Variants in RILP observed in about 807,000 individuals in gnomAD.
RILP encodes Rab interacting lysosomal protein, also known as rab-interacting lysosomal protein.
In RILP, 53 loss-of-function variants were observed where a neutral mutation model predicts 40.0. The observed-to-expected ratio is 1.32, with a 90% CI of 1.06 to 1.66. The LOEUF (loss-of-function observed/expected upper bound fraction) is 1.66, where lower values mean the gene tolerates loss of function less well. RILP is among the 40% of genes most tolerant of loss of function. The probability of loss-of-function intolerance (pLI) is 0.00; values close to 1 mark genes in which losing one functional copy is unlikely to be tolerated. For synonymous variants in RILP, 272 were observed against 250.6 expected, an observed-to-expected ratio of 1.09 and a Z score of -0.80; for missense variants, 626 against 551.7, an observed-to-expected ratio of 1.13 and a Z score of -1.35.
At chr17:1,647,170 C>T (rs1910650268) in intron 6 of RILP, among the ~76,000 whole-genome samples, 181 bp from the exon 7 acceptor site, 1 of 151,694 alleles carries the variant, frequency 6.6e-6, no homozygotes, top group Non-Finnish European at 1.5e-5. Flanking sequence ...GACAGGGTCT[C>T]ACTCTGTCGC....
Position 1,649,688 on chromosome 17 carries a change from C to T in RILP, c.117G>A (p.Leu39=), listed in dbSNP as rs1218312767. 1 of 1,591,590 alleles carries T rather than the reference C, an allele frequency of 6.3e-7. No individual in the cohort carries two copies. The highest frequency in any genetic ancestry group is 8.5e-7 in the Non-Finnish European group (1 of 1,176,530). Reference sequence around the variant, plus strand: ...GCCCGAAACGGCGCGCCAGATCCTGCAGCTCAGTGCCCAGGGCCCCGGCTA... The same window carrying T: ...GCCCGAAACGGCGCGCCAGATCCTGTAGCTCAGTGCCCAGGGCCCCGGCTA... ...YHLAGALGTE[L]QDLARRFGPE... Residue 39 remains leucine, a synonymous_variant, in exon 1 of 8, where the codon CTG becomes CTA. Transcript: ENST00000301336. The surrounding 1 kb of genome is among the most constrained non-coding windows in gnomAD (Gnocchi z 4.3).
In RILP at chr17:1,648,886, C is replaced by A; in HGVS notation, c.588G>T (p.Gly196=). ...GCTGGTGCCCGGGCCGCCCGGCCTG[C>A]CCCCGCGCTCGCTCTTTAGCCTGCG... ...ATPQAKERAR[G]QAGRPGHQHG... The change falls in exon 4 of 8, where the codon GGG becomes GGT. Residue 196 remains glycine, a synonymous_variant. Coordinates refer to ENST00000301336, the MANE Select transcript of RILP (RefSeq NM_031430.3). This position sits in a 1 kb window ranked among gnomAD's most constrained non-coding sequence, Gnocchi z 4.9. 5 of 1,529,354 alleles carry A rather than the reference C, an allele frequency of 3.3e-6. No individual in the cohort carries two copies. The highest frequency in any genetic ancestry group is 2.6e-6 in the Non-Finnish European group (3 of 1,145,314). 94.7% of individuals were successfully genotyped at this position (1,529,354 alleles called of 1,614,324 possible). A position where few individuals can be genotyped will look rare whatever the true frequency, so the allele number is the denominator to read the frequency against.
In RILP at chr17:1,648,634, C is replaced by A. The variant is rs1910751898; in HGVS notation, c.676-139G>T. ...TGCCCTAACAGATAACAGAGCAGTG[C>A]TCCAGCTGAGAGCGGGGGCCGAGGC... On this transcript the variant is annotated intron_variant, in intron 4 of 7. Coordinates refer to ENST00000301336, the MANE Select transcript of RILP (RefSeq NM_031430.3). The surrounding 1 kb of genome is among the most constrained non-coding windows in gnomAD (Gnocchi z 4.9). 19 of 1,411,544 alleles carry A rather than the reference C, an allele frequency of 1.3e-5. No homozygotes were observed. The highest frequency in any genetic ancestry group is 1.8e-5 in the Non-Finnish European group (19 of 1,073,182). The allele number at this position is 1,411,544 out of a possible 1,614,324, so 87.4% of individuals were successfully genotyped here.
rs768422758 is a variant in RILP, at chr17:1,649,273, ACCT to A, written c.353_355del (p.Glu118del). The A allele has an allele frequency of 8.9e-5, 134 of 1,504,066 alleles. No homozygotes were observed. The highest frequency in any genetic ancestry group is 1.1e-4 in the Non-Finnish European group (124 of 1,134,000). 93.2% of individuals were successfully genotyped at this position (1,504,066 alleles called of 1,614,324 possible). The stretch of plus-strand genomic sequence containing the variant: ...GAGTTCGTCCCGCTGTCGGTCCGTG[ACCT>A]CCTTGAGCTGCCGCAGCAGCGCGCG... On this transcript the variant is annotated inframe_deletion, in exon 3 of 8. Transcript: ENST00000301336. The surrounding 1 kb of genome is among the most constrained non-coding windows in gnomAD (Gnocchi z 4.3).
At position 1,649,661 on chromosome 17, in the gene RILP, C is replaced by T; in HGVS notation, c.144G>A (p.Pro48=). 2 of 1,588,834 alleles carry T rather than the reference C, an allele frequency of 1.3e-6. No homozygotes were observed. The highest frequency in any genetic ancestry group is 1.7e-6 in the Non-Finnish European group (2 of 1,175,206). ...ELQDLARRFG[P]EAAAGLVPLV... ...GCGGCACCAGCCCGGCCGCCGCCTC[C>T]GGCCCGAAACGGCGCGCCAGATCCT... Residue 48 remains proline, a synonymous_variant, in exon 1 of 8, where the codon CCG becomes CCA. Coordinates refer to ENST00000301336, the MANE Select transcript of RILP (RefSeq NM_031430.3). The surrounding 1 kb of genome is among the most constrained non-coding windows in gnomAD (Gnocchi z 4.3).
At position 1,646,323 on chromosome 17, in the gene RILP, G is replaced by C; in HGVS notation, c.*119C>G. 1 of 975,576 alleles carries C rather than the reference G, an allele frequency of 1.0e-6. No individual in the cohort carries two copies. Among genetic ancestry groups the C allele is most frequent in the South Asian group, 1.8e-5 (1 of 55,266 alleles). The allele number at this position is 975,576 out of a possible 1,614,324, so 60.4% of individuals were successfully genotyped here. On this transcript the variant is annotated 3_prime_UTR_variant, in exon 8 of 8. Coordinates refer to ENST00000301336, the MANE Select transcript of RILP (RefSeq NM_031430.3). The surrounding 1 kb of genome is among the most constrained non-coding windows in gnomAD (Gnocchi z 4.3). ...AGAGACGTAGAGAGGGAGGCGGGCT[G>C]AGACCCCGTCCTGCCCTGATGCAGG...
In RILP at chr17:1,649,248, G is replaced by C; in HGVS notation, c.381C>G (p.Leu127=). 4 of 1,505,076 alleles carry C rather than the reference G, an allele frequency of 2.7e-6. No homozygotes were observed. Among genetic ancestry groups the C allele is most frequent in the Admixed American group, 2.0e-5 (1 of 49,458 alleles). The allele number at this position is 1,505,076 out of a possible 1,614,324, so 93.2% of individuals were successfully genotyped here. The change falls in exon 3 of 8, where the codon CTC becomes CTG. Residue 127 remains leucine, a synonymous_variant. Coordinates refer to ENST00000301336, the MANE Select transcript of RILP (RefSeq NM_031430.3). The surrounding 1 kb of genome is among the most constrained non-coding windows in gnomAD (Gnocchi z 4.3). ...KEVTDRQRDE[L]RAHNRDLRQR... Reference sequence around the variant, plus strand: ...GCCGCAGGTCGCGGTTGTGCGCCCGGAGTTCGTCCCGCTGTCGGTCCGTGA... The same window carrying C: ...GCCGCAGGTCGCGGTTGTGCGCCCGCAGTTCGTCCCGCTGTCGGTCCGTGA...
In RILP at chr17:1,649,436, T is replaced by G; in HGVS notation, c.298A>C (p.Arg100=). 1 of 1,510,972 alleles carries G rather than the reference T, an allele frequency of 6.6e-7. No homozygotes were observed. The highest frequency in any genetic ancestry group is 8.8e-7 in the Non-Finnish European group (1 of 1,137,376). The allele number at this position is 1,510,972 out of a possible 1,614,324, so 93.6% of individuals were successfully genotyped here. A position where few individuals can be genotyped will look rare whatever the true frequency, so the allele number is the denominator to read the frequency against. ...RLREENERLR[R]ELRAGPQEER... ...CCCTGTGGCCCCGCGCGCAGCTCCC[T>G]GCGGAGGCGCTCGTTCTCCTCCCGC... Residue 100 remains arginine, a synonymous_variant, in exon 2 of 8, where the codon AGG becomes CGG. Transcript: ENST00000301336. This position sits in a 1 kb window ranked among gnomAD's most constrained non-coding sequence, Gnocchi z 4.3.
At position 1,646,167 on chromosome 17, in the gene RILP, C is replaced by T. The variant is rs1910551586; in HGVS notation, c.*275G>A. On this transcript the variant is annotated 3_prime_UTR_variant, in exon 8 of 8. Coordinates refer to ENST00000301336, the MANE Select transcript of RILP (RefSeq NM_031430.3). This position sits in a 1 kb window ranked among gnomAD's most constrained non-coding sequence, Gnocchi z 4.3. Reference sequence around the variant, plus strand: ...AGGAACAGTTTCTGTGTATTACGGGCAGTTCTTTATTACATGAGCTCAGGC... The same window carrying T: ...AGGAACAGTTTCTGTGTATTACGGGTAGTTCTTTATTACATGAGCTCAGGC... The T allele has an allele frequency of 4.4e-6, 2 of 452,550 alleles. No homozygotes were observed. The highest frequency in any genetic ancestry group is 4.0e-5 in the African/African-American group (2 of 49,726). 28.0% of individuals were successfully genotyped at this position (452,550 alleles called of 1,614,324 possible).
At position 1,648,890 on chromosome 17, in the gene RILP, C is replaced by G. The variant is rs756488820; in HGVS notation, c.584G>C (p.Arg195Pro). ...GTGCCCGGGCCGCCCGGCCTGCCCCCGCGCTCGCTCTTTAGCCTGCGGAGT... is the reference window on the plus strand; with the variant it reads ...GTGCCCGGGCCGCCCGGCCTGCCCCGGCGCTCGCTCTTTAGCCTGCGGAGT... ...AATPQAKERARGQAGRPGHQH... is the reference protein window; with the variant it reads ...AATPQAKERAPGQAGRPGHQH... Residue 195 changes from arginine to proline, a missense_variant, in exon 4 of 8, where the codon CGG (arginine) becomes CCG (proline). Arg to Pro is a moderately radical substitution (Grantham distance 103). Transcript: ENST00000301336. The surrounding 1 kb of genome is among the most constrained non-coding windows in gnomAD (Gnocchi z 4.9). The G allele has an allele frequency of 3.3e-6, 5 of 1,528,712 alleles. No individual in the cohort carries two copies. The highest frequency in any genetic ancestry group is 2.1e-4 in the Middle Eastern group (1 of 4,734). The allele number at this position is 1,528,712 out of a possible 1,614,324, so 94.7% of individuals were successfully genotyped here. A position where few individuals can be genotyped will look rare whatever the true frequency, so the allele number is the denominator to read the frequency against.
In RILP at chr17:1,649,078, CACCGAGGG is replaced by C; in HGVS notation, c.430-42_430-35del. On this transcript the variant is annotated intron_variant, in intron 3 of 7. Transcript: ENST00000301336. This position sits in a 1 kb window ranked among gnomAD's most constrained non-coding sequence, Gnocchi z 4.3. ...GGAGCAAAGGGTGGGGTGGGCGGGGCACCGAGGGCCCCCCGGAGCCCCGCCCAGCGCCT... is the reference window on the plus strand; with the variant it reads ...GGAGCAAAGGGTGGGGTGGGCGGGGCCCCCCCGGAGCCCCGCCCAGCGCCT... 1.7e-6 allele frequency: 2 copies of C among 1,205,652 alleles called. No homozygotes were observed. Among genetic ancestry groups the C allele is most frequent in the East Asian group, 3.6e-5 (1 of 28,016 alleles). The allele number at this position is 1,205,652 out of a possible 1,614,324, so 74.7% of individuals were successfully genotyped here. A position where few individuals can be genotyped will look rare whatever the true frequency, so the allele number is the denominator to read the frequency against.
In RILP at chr17:1,649,734, G is replaced by A. The variant is rs1284569744; in HGVS notation, c.71C>T (p.Ala24Val). ...GSREAAGSAS[A>V]AELVYHLAGA... ...GGCTAGATGGTACACAAGCTCCGCG[G>A]CCGATGCCGACCCCGCGGCCTCCCG... The change falls in exon 1 of 8, where the codon GCC becomes GTC. Residue 24 changes from alanine to valine, a missense_variant. Physicochemically the swap from Ala to Val is moderately conservative, Grantham distance 64. Coordinates refer to ENST00000301336, the MANE Select transcript of RILP (RefSeq NM_031430.3). This position sits in a 1 kb window ranked among gnomAD's most constrained non-coding sequence, Gnocchi z 4.3. The A allele has an allele frequency of 3.8e-6, 6 of 1,590,428 alleles. No homozygotes were observed. Among genetic ancestry groups the A allele is most frequent in the Admixed American group, 1.7e-5 (1 of 58,958 alleles).
In RILP at chr17:1,649,006, A is replaced by G; in HGVS notation, c.468T>C (p.Ala156=). ...EQLQRLLLVN[A]ELRHKLAAMQ... ...TGGCCGCCAGCTTGTGCCGCAGCTC[A>G]GCGTTCACCAGCAGGAGGCGCTGCA... is the stretch of plus-strand genomic sequence containing the variant. Residue 156 remains alanine, a synonymous_variant, in exon 4 of 8, where the codon GCT becomes GCC. Coordinates refer to ENST00000301336, the MANE Select transcript of RILP (RefSeq NM_031430.3). The surrounding 1 kb of genome is among the most constrained non-coding windows in gnomAD (Gnocchi z 4.3). The G allele has an allele frequency of 8.1e-7, 1 of 1,236,852 alleles. No individual in the cohort carries two copies. Among genetic ancestry groups the G allele is most frequent in the South Asian group, 1.4e-5 (1 of 71,556 alleles). The allele number at this position is 1,236,852 out of a possible 1,614,324, so 76.6% of individuals were successfully genotyped here.
In RILP at chr17:1,649,383, C is replaced by T; in HGVS notation, c.322+29G>A. On this transcript the variant is annotated intron_variant, in intron 2 of 7. Coordinates refer to ENST00000301336, the MANE Select transcript of RILP (RefSeq NM_031430.3). The surrounding 1 kb of genome is among the most constrained non-coding windows in gnomAD (Gnocchi z 4.3). ...GGGAGGACCCGAGCAGGTCGTCACC[C>T]GCCCTGCCCTGGCCGGGGCTGCGCT... 5 of 1,496,310 alleles carry T rather than the reference C, an allele frequency of 3.3e-6. No individual in the cohort carries two copies. The highest frequency in any genetic ancestry group is 2.7e-6 in the Non-Finnish European group (3 of 1,129,974). 92.7% of individuals were successfully genotyped at this position (1,496,310 alleles called of 1,614,324 possible). A position where few individuals can be genotyped will look rare whatever the true frequency, so the allele number is the denominator to read the frequency against.
chr17:1,646,952 C>A lies in RILP; in HGVS notation c.982G>T (p.Asp328Tyr). 1 of 1,608,868 alleles carries A rather than the reference C, an allele frequency of 6.2e-7. No homozygotes were observed. The highest frequency in any genetic ancestry group is 1.1e-5 in the South Asian group (1 of 90,348). The change falls in exon 7 of 8, where the codon GAC becomes TAC. Residue 328 changes from aspartate (D) to tyrosine (Y), a missense_variant. Coordinates refer to ENST00000301336, the MANE Select transcript of RILP (RefSeq NM_031430.3). This position sits in a 1 kb window ranked among gnomAD's most constrained non-coding sequence, Gnocchi z 4.3. The stretch of plus-strand genomic sequence containing the variant: ...GGGGGTGGGGGATGGTCTCCCTTGT[C>A]ATCGGAGAGCAGGATCCATGGGCCA... The part of the protein sequence containing the change: ...EAGPWILLSD[D>Y]KGDHPPPPES...
At chr17:1,647,245 T>G (rs1910657348) in intron 6 of RILP, among the ~76,000 whole-genome samples, 1 of 152,060 alleles carries the variant, frequency 6.6e-6, no homozygotes, top group South Asian at 2.1e-4. Context: ...GTTCAAGCGA[T>G]TCTCCTGCCG....
chr17:1,649,679 C>G lies in RILP; in HGVS notation c.126G>C (p.Leu42=). ...AGALGTELQD[L]ARRFGPEAAA... ...CCGCCTCCGGCCCGAAACGGCGCGC[C>G]AGATCCTGCAGCTCAGTGCCCAGGG... Residue 42 remains leucine (L), a synonymous_variant, in exon 1 of 8, where the codon CTG becomes CTC. Transcript: ENST00000301336. This position sits in a 1 kb window ranked among gnomAD's most constrained non-coding sequence, Gnocchi z 4.3. The G allele has an allele frequency of 6.3e-7, 1 of 1,590,940 alleles. No individual in the cohort carries two copies. Among genetic ancestry groups the G allele is most frequent in the Non-Finnish European group, 8.5e-7 (1 of 1,176,178 alleles).
chr17:1,648,270 C>A lies in RILP; in HGVS notation c.821+80G>T. On this transcript the variant is annotated intron_variant, in intron 5 of 7. Transcript: ENST00000301336. This position sits in a 1 kb window ranked among gnomAD's most constrained non-coding sequence, Gnocchi z 4.9. ...CTCCCAGTTCCCAGCGCAGGCCTGG[C>A]ACATGTCACTGTGGACATGTCAATG... 1.3e-6 allele frequency: 2 copies of A among 1,514,358 alleles called. No homozygotes were observed. Among genetic ancestry groups the A allele is most frequent in the Non-Finnish European group, 1.8e-6 (2 of 1,113,704 alleles). The allele number at this position is 1,514,358 out of a possible 1,614,324, so 93.8% of individuals were successfully genotyped here.
Position 1,648,937 on chromosome 17 carries a change from G to A in RILP, c.537C>T (p.Arg179=), listed in dbSNP as rs1434469703. 1 of 1,520,986 alleles carries A rather than the reference G, an allele frequency of 6.6e-7. No individual in the cohort carries two copies. Among genetic ancestry groups the A allele is most frequent in the South Asian group, 1.2e-5 (1 of 82,320 alleles). The allele number at this position is 1,520,986 out of a possible 1,614,324, so 94.2% of individuals were successfully genotyped here. A position where few individuals can be genotyped will look rare whatever the true frequency, so the allele number is the denominator to read the frequency against. Residue 179 remains arginine (R), a synonymous_variant, in exon 4 of 8, where the codon CGC becomes CGT. Transcript: ENST00000301336. This position sits in a 1 kb window ranked among gnomAD's most constrained non-coding sequence, Gnocchi z 4.9. ...LRAAQDRERE[R]QQPGEAATPQ... is the part of the protein sequence containing the mutation. Reference sequence around the variant, plus strand: ...GAGTCGCGGCTTCGCCAGGCTGCTGGCGCTCCCTCTCGCGGTCCTGCGCGG... The same window carrying A: ...GAGTCGCGGCTTCGCCAGGCTGCTGACGCTCCCTCTCGCGGTCCTGCGCGG...
Sources: gnomAD v4.1 joint callset for allele counts (sites outside exome capture counted in the v4.1 genomes callset) on GRCh38, gnomAD v4.1.1 for gene constraint, Gnocchi (gnomAD v3.1) non-coding constraint, MANE v1.5 for transcripts, NCBI Gene and HGNC (gene_info 2026-07-23, HGNC 2026-07-21) for gene names.